Variants in CHN2 observed in about 807,000 individuals in gnomAD.
The protein encoded by CHN2 is beta-chimaerin.
A neutral mutation model predicts 56.3 loss-of-function variants in CHN2; 35 were observed. The observed-to-expected ratio is 0.62, with a 90% CI of 0.47 to 0.82. The LOEUF (loss-of-function observed/expected upper bound fraction) is 0.82. Ranked by LOEUF, CHN2 falls within the 40% of genes least tolerant of loss-of-function variation. The pLI is 0.00. For missense variants in CHN2, 491 were observed against 580.5 expected (o/e 0.85, Z 1.58); for synonymous variants, 210 against 212.8 (o/e 0.99, Z 0.12).
chr7:29,461,044 A>G lies in CHN2; in HGVS notation c.577-19235A>G, dbSNP rs987363951. Reference sequence around the variant, plus strand: ...TGTGTAGCATAAATGGTTATCATCAATTCTATTCTCATGTAGGGTAACTGA... The same window carrying G: ...TGTGTAGCATAAATGGTTATCATCAGTTCTATTCTCATGTAGGGTAACTGA... On this transcript the variant is annotated intron_variant, in intron 6 of 12. Transcript: ENST00000222792. 3.4e-4 allele frequency among the ~76,000 whole-genome samples: 52 copies of G among 152,224 alleles called. 1 individual carries two copies. Among genetic ancestry groups the G allele is most frequent in the Non-Finnish European group, 4.9e-4 (33 of 68,038 alleles).
At chr7:29,433,898 G>A (rs1346527065) in intron 6 of CHN2, among the ~76,000 whole-genome samples, 1 of 151,568 alleles carries the variant, frequency 6.6e-6, no homozygotes, top group Non-Finnish European at 1.5e-5. Context: ...AGGAAGGGAT[G>A]AAGGGAAGAA....
intron 5 of CHN2, 193 bp from the exon 6 acceptor site, chr7:29,400,350 C>G: frequency 1.6e-6 from 1 of 607,620 alleles, no homozygotes; most frequent in Admixed American, 3.1e-5. Flanking sequence ...GTTACCTTTG[C>G]GGTAAGACAG....
intron 1 of CHN2, among the ~76,000 whole-genome samples, chr7:29,340,413 A>G (rs1796953942): frequency 6.6e-6 from 1 of 152,066 alleles, no homozygotes; most frequent in South Asian, 2.1e-4. Flanking sequence ...GGGGGGCCTC[A>G]ATATTTAGCA....
intron 6 of CHN2, among the ~76,000 whole-genome samples, chr7:29,433,515 C>A (rs1025615446): frequency 4.6e-5 from 7 of 152,094 alleles, no homozygotes; most frequent in African/African-American, 1.7e-4. Context: ...CGTGGACAAA[C>A]CTAGATGTAG....
chr7:29,333,386 C>A (rs1796370232), intron 1 of CHN2, among the ~76,000 whole-genome samples: 1 of 152,110 alleles, frequency 6.6e-6, no homozygotes, highest in Non-Finnish European at 1.5e-5. Flanking sequence ...GAGTCTTGTT[C>A]TCAGAAAATG....
intron 1 of CHN2, among the ~76,000 whole-genome samples, chr7:29,240,822 G>GTCA (rs1372660648): frequency 4.0e-5 from 6 of 151,028 alleles, no homozygotes; most frequent in East Asian, 1.9e-4. Flanking sequence ...CTTCTTCGTC[G>GTCA]TCGTCGTCGT....
rs960059391 is a variant in CHN2, at chr7:29,408,732, T to C, written c.576+7904T>C. ...CTCAGGGGTCAGCTAGTGGTTTCTT[T>C]GGGTGGATATTAGAAAGAATCTCTT... On this transcript the variant is annotated intron_variant, in intron 6 of 12. Transcript: ENST00000222792. 2.1e-4 allele frequency among the ~76,000 whole-genome samples: 32 copies of C among 152,300 alleles called. 1 individual carries two copies. The highest frequency in any genetic ancestry group is 7.7e-4 in the African/African-American group (32 of 41,560).
chr7:29,231,554 A>T (rs898755078), intron 1 of CHN2, among the ~76,000 whole-genome samples: 18 of 152,170 alleles, frequency 1.2e-4, no homozygotes, highest in Admixed American at 2.0e-4. Flanking sequence ...CTTAATGGTA[A>T]CATATTGTCC....
chr7:29,434,927 A>G (rs893611367), intron 6 of CHN2, among the ~76,000 whole-genome samples: 6 of 152,248 alleles, frequency 3.9e-5, no homozygotes, highest in Admixed American at 3.9e-4. Context: ...CCCCATCTCT[A>G]CAAGAAATAC....
chr7:29,163,115 G>A (rs973922812), intron 2 of CHN2, among the ~76,000 whole-genome samples: 2 of 151,934 alleles, frequency 1.3e-5, no homozygotes, highest in Non-Finnish European at 2.9e-5. Flanking sequence ...CTCCTTATGA[G>A]TCTGTAATTA....
intron 6 of CHN2, among the ~76,000 whole-genome samples, chr7:29,405,201 ACACACACACACACACACACACG>A (rs1250272202): frequency 2.5e-5 from 3 of 120,310 alleles, no homozygotes; most frequent in African/African-American, 9.6e-5. Context: ...ACACACACAC[ACACACACACACACACACACACG>A]GCAGTTCCAA....
chr7:29,282,151 T>A (rs1562888032), intron 1 of CHN2, among the ~76,000 whole-genome samples: 1 of 152,240 alleles, frequency 6.6e-6, no homozygotes, highest in African/African-American at 2.4e-5. Context: ...CTGGTTCTTC[T>A]GTTTGTGTTG....
At chr7:29,445,593 G>T (rs849913) in intron 6 of CHN2, among the ~76,000 whole-genome samples, 107,534 of 152,014 alleles carry the variant, frequency 0.71, 39,063 homozygotes, top group African/African-American at 0.87. Context: ...CAAAAGGACC[G>T]TTTTTTCTTT....
chr7:29,479,932 G>T (rs2128541064), intron 6 of CHN2: 1 of 1,440,388 alleles, frequency 6.9e-7, no homozygotes, highest in Non-Finnish European at 9.1e-7. Context: ...TTATTCAGAA[G>T]CCGGGCCCCC....
intron 4 of CHN2, among the ~76,000 whole-genome samples, chr7:29,394,464 A>G (rs571240969): frequency 6.6e-6 from 1 of 152,266 alleles, no homozygotes; most frequent in East Asian, 1.9e-4. Context: ...CTCACAGCCA[A>G]TCTCAAACCT....
intron 8 of CHN2, among the ~76,000 whole-genome samples, chr7:29,498,380 AT>A (rs1789530368): frequency 6.6e-6 from 1 of 152,254 alleles, no homozygotes; most frequent in Non-Finnish European, 1.5e-5. Context: ...AGATAGATGT[AT>A]CAAAATATTA....
chr7:29,281,897 T>C (rs1791747177), intron 1 of CHN2, among the ~76,000 whole-genome samples: 1 of 152,204 alleles, frequency 6.6e-6, no homozygotes, highest in Non-Finnish European at 1.5e-5. Flanking sequence ...TGCCTGAGTA[T>C]GCGGTGCGTC....
chr7:29,326,111 G>A (rs140891992), intron 1 of CHN2, among the ~76,000 whole-genome samples: 6 of 150,392 alleles, frequency 4.0e-5, no homozygotes, highest in African/African-American at 1.2e-4. Context: ...TTGGGTCTTC[G>A]TCGATTTTAG....
intron 1 of CHN2, among the ~76,000 whole-genome samples, chr7:29,324,060 GTCC>G (rs1018427671): frequency 2.6e-5 from 4 of 151,926 alleles, no homozygotes; most frequent in Admixed American, 2.6e-4. Flanking sequence ...GGTTGAAGCT[GTCC>G]TCCTGTGGGT....
Sources: gnomAD v4.1 joint callset for allele counts (sites outside exome capture counted in the v4.1 genomes callset) on GRCh38, gnomAD v4.1.1 for gene constraint, MANE v1.5 for transcripts, NCBI Gene and HGNC (gene_info 2026-07-23, HGNC 2026-07-21) for gene names.